CFAP210: variants seen among roughly 807,000 people sequenced by gnomAD.
The protein encoded by CFAP210 is cilia and flagella associated protein 210.
the CFAP210 span, among the ~76,000 whole-genome samples, chr2:169,656,416 G>GAGGAGGAC: frequency 6.6e-6 from 1 of 151,260 alleles, no homozygotes; most frequent in African/African-American, 2.4e-5. Context: ...AGTAGAGAAG[G>GAGGAGGAC]AGGAGGACGA....
the CFAP210 span, among the ~76,000 whole-genome samples, chr2:169,662,021 G>C: frequency 6.6e-6 from 1 of 152,198 alleles, no homozygotes; most frequent in African/African-American, 2.4e-5. Context: ...TGATAGCCTA[G>C]TGGGGGGACT....
At chr2:169,673,552 G>A in the CFAP210 span, among the ~76,000 whole-genome samples, 1 of 152,124 alleles carries the variant, frequency 6.6e-6, no homozygotes, top group Non-Finnish European at 1.5e-5. Flanking sequence ...GAGAACTGAT[G>A]TCTGTGTCAT....
the CFAP210 span, among the ~76,000 whole-genome samples, chr2:169,671,662 G>T: frequency 6.6e-6 from 1 of 152,074 alleles, no homozygotes; most frequent in Non-Finnish European, 1.5e-5. Context: ...TAGAGACAGG[G>T]TTTCACCATG....
the CFAP210 span, among the ~76,000 whole-genome samples, chr2:169,670,834 A>G: frequency 6.6e-6 from 1 of 152,142 alleles, no homozygotes; most frequent in South Asian, 2.1e-4. Flanking sequence ...GACACATTCT[A>G]TTTCTTGGAA....
chr2:169,689,020 T>C, the CFAP210 span, among the ~76,000 whole-genome samples: 1 of 152,170 alleles, frequency 6.6e-6, no homozygotes, highest in Non-Finnish European at 1.5e-5. Context: ...TGGCAGGAGT[T>C]GAAAGACACT....
At chr2:169,656,403 T>G in the CFAP210 span, among the ~76,000 whole-genome samples, 17 of 134,972 alleles carry the variant, frequency 1.3e-4, no homozygotes, top group East Asian at 2.2e-4. Flanking sequence ...AGGAGGAGGA[T>G]GAAGTAGAGA....
At chr2:169,660,100 C>T in the CFAP210 span, among the ~76,000 whole-genome samples, 16 of 151,364 alleles carry the variant, frequency 1.1e-4, no homozygotes, top group Admixed American at 2.0e-4. Flanking sequence ...AAAAAGACAA[C>T]TTTTCTGGCT....
At chr2:169,678,265 C>T in the CFAP210 span, among the ~76,000 whole-genome samples, 1 of 142,158 alleles carries the variant, frequency 7.0e-6, no homozygotes, top group African/African-American at 2.6e-5. Flanking sequence ...TGCTTGAACC[C>T]GGGAGGCGGA....
the CFAP210 span, among the ~76,000 whole-genome samples, chr2:169,653,345 G>A: frequency 6.6e-6 from 1 of 151,662 alleles, no homozygotes; most frequent in African/African-American, 2.4e-5. Flanking sequence ...TAAGAGAAGA[G>A]GTCTGAGGGA....
At chr2:169,652,168 G>A in the CFAP210 span, among the ~76,000 whole-genome samples, 1 of 152,146 alleles carries the variant, frequency 6.6e-6, no homozygotes, top group Non-Finnish European at 1.5e-5. Flanking sequence ...GAGAAATGAT[G>A]AGAAAGGATA....
chr2:169,665,164 T>A, the CFAP210 span, among the ~76,000 whole-genome samples: 819 of 152,264 alleles, frequency 5.4e-3, 12 homozygotes, highest in African/African-American at 0.019. Context: ...AGCCTTCTTA[T>A]CAGCCTGTAC....
chr2:169,678,271 G>A, the CFAP210 span, among the ~76,000 whole-genome samples: 10 of 150,304 alleles, frequency 6.7e-5, no homozygotes, highest in East Asian at 2.0e-3. Flanking sequence ...AACCCGGGAG[G>A]CGGAGGTTGC....
the CFAP210 span, among the ~76,000 whole-genome samples, chr2:169,652,796 C>A: frequency 1.3e-5 from 2 of 149,650 alleles, no homozygotes; most frequent in Non-Finnish European, 3.0e-5. Flanking sequence ...GAGATCGAGA[C>A]CATCCTGGCT....
chr2:169,665,691 A>T, the CFAP210 span, among the ~76,000 whole-genome samples: 1 of 152,206 alleles, frequency 6.6e-6, no homozygotes, highest in Non-Finnish European at 1.5e-5. Flanking sequence ...GTTTTATAGG[A>T]TAGTGTTTAT....
At chr2:169,675,652 G>T in the CFAP210 span, among the ~76,000 whole-genome samples, 1 of 152,054 alleles carries the variant, frequency 6.6e-6, no homozygotes, top group Non-Finnish European at 1.5e-5. Context: ...TCCAACACTG[G>T]GAATTACATT....
At chr2:169,681,453 G>C in the CFAP210 span, 1 of 532,370 alleles carries the variant, frequency 1.9e-6, no homozygotes, top group Non-Finnish European at 3.3e-6. Flanking sequence ...CTTCCTTACT[G>C]TGTAAACTTG....
the CFAP210 span, among the ~76,000 whole-genome samples, chr2:169,687,328 A>G: frequency 6.6e-6 from 1 of 152,160 alleles, no homozygotes; most frequent in Non-Finnish European, 1.5e-5. Context: ...AAAAGTCCAT[A>G]GTCCAAAGTC....
At chr2:169,646,163 G>T in the CFAP210 span, 100 of 1,607,606 alleles carry the variant, frequency 6.2e-5, no homozygotes, top group Non-Finnish European at 1.6e-5. Context: ...TGCTTGCTTT[G>T]CATTAAACTT....
At chr2:169,690,218 T>G in the CFAP210 span, among the ~76,000 whole-genome samples, 15 of 152,222 alleles carry the variant, frequency 9.9e-5, no homozygotes, top group Non-Finnish European at 1.9e-4. Context: ...TAAAGGATAA[T>G]GATCTATAGT....
Sources: gnomAD v4.1 joint callset for allele counts (sites outside exome capture counted in the v4.1 genomes callset) on GRCh38, gnomAD v4.1.1 for gene constraint, MANE v1.5 for transcripts, NCBI Gene and HGNC (gene_info 2026-07-23, HGNC 2026-07-21) for gene names.